Variants in BAIAP2L1 observed in about 807,000 individuals in gnomAD.
BAIAP2L1 encodes BAR/IMD domain-containing adapter protein 2-like 1.
A neutral mutation model predicts 66.3 loss-of-function variants in BAIAP2L1; 35 were observed. The observed-to-expected ratio is 0.53, with a 90% CI of 0.40 to 0.70. The LOEUF (loss-of-function observed/expected upper bound fraction) is 0.70, where lower values mean the gene tolerates loss of function less well. BAIAP2L1 is among the 30% of genes least tolerant of loss of function. The pLI is 0.00. For missense variants in BAIAP2L1, 622 were observed against 656.9 expected (o/e 0.95, Z 0.58); for synonymous variants, 269 against 248.7 (o/e 1.08, Z -0.77).
At chr7:98,364,334 G>T (rs1319577011) in intron 1 of BAIAP2L1, among the ~76,000 whole-genome samples, 1 of 151,796 alleles carries the variant, frequency 6.6e-6, no homozygotes, top group Non-Finnish European at 1.5e-5. Context: ...ATTAGACTTG[G>T]CTGAGGCCTA....
intron 7 of BAIAP2L1, among the ~76,000 whole-genome samples, chr7:98,313,816 G>C (rs1800969878): frequency 6.8e-6 from 1 of 146,312 alleles, no homozygotes; most frequent in Admixed American, 7.0e-5. Context: ...TTTTGGTAGA[G>C]ATAGGGTCTC....
intron 11 of BAIAP2L1, among the ~76,000 whole-genome samples, chr7:98,305,070 T>C (rs1366779643): frequency 2.0e-5 from 3 of 146,748 alleles, no homozygotes; most frequent in South Asian, 4.3e-4. Flanking sequence ...TTTTTTTTTT[T>C]AGTAGAGACG....
intron 1 of BAIAP2L1, chr7:98,386,625 A>T: frequency 6.5e-7 from 1 of 1,542,284 alleles, no homozygotes; most frequent in Non-Finnish European, 8.8e-7. Flanking sequence ...CAACATTTCT[A>T]CAATGTTCTT....
intron 12 of BAIAP2L1, among the ~76,000 whole-genome samples, chr7:98,299,376 TG>T (rs1410228931): frequency 6.6e-6 from 1 of 152,106 alleles, no homozygotes; most frequent in African/African-American, 2.4e-5. Context: ...CAGGCTGATC[TG>T]GAACTCCTAG....
At chr7:98,364,444 G>A (rs542392344) in intron 1 of BAIAP2L1, among the ~76,000 whole-genome samples, 1 of 152,234 alleles carries the variant, frequency 6.6e-6, no homozygotes, top group African/African-American at 2.4e-5. Context: ...GCTCAGTGTG[G>A]CTTGACTGTC....
chr7:98,320,181 T>TCTC, intron 4 of BAIAP2L1, 52 bp from the exon 5 acceptor site: 1 of 1,591,418 alleles, frequency 6.3e-7, no homozygotes, highest in South Asian at 1.1e-5. Context: ...TTAAGCAAAA[T>TCTC]AAGTTCTAAA....
intron 3 of BAIAP2L1, among the ~76,000 whole-genome samples, chr7:98,339,542 T>G (rs941653117): frequency 1.3e-5 from 2 of 152,192 alleles, no homozygotes; most frequent in African/African-American, 4.8e-5. Context: ...CCACCAGAAC[T>G]GTCTACCCTC....
intron 1 of BAIAP2L1, among the ~76,000 whole-genome samples, chr7:98,372,486 TA>T (rs1036210163): frequency 6.6e-6 from 1 of 152,158 alleles, no homozygotes; most frequent in African/African-American, 2.4e-5. Flanking sequence ...TTTTCTCAGC[TA>T]AAAGTGTAAC....
At chr7:98,371,988 T>G (rs1802520602) in intron 1 of BAIAP2L1, among the ~76,000 whole-genome samples, 1 of 151,416 alleles carries the variant, frequency 6.6e-6, no homozygotes, top group Admixed American at 6.6e-5. Context: ...AGAGACGGGG[T>G]TTCACCAGTG....
chr7:98,330,579 C>T (rs62478170), intron 3 of BAIAP2L1, among the ~76,000 whole-genome samples: 2 of 152,146 alleles, frequency 1.3e-5, no homozygotes, highest in African/African-American at 2.4e-5. Context: ...ATCGCTTGAA[C>T]CCTGTAGGCG....
intron 1 of BAIAP2L1, among the ~76,000 whole-genome samples, chr7:98,379,465 C>T (rs1342459615): frequency 6.6e-6 from 1 of 152,160 alleles, no homozygotes; most frequent in East Asian, 1.9e-4. Context: ...TAGCTCAAGG[C>T]GATAACTCCA....
chr7:98,322,842 C>G (rs1011020258), intron 3 of BAIAP2L1: 1 of 152,338 alleles, frequency 6.6e-6, no homozygotes, highest in Non-Finnish European at 1.5e-5. Context: ...TAACATGTCG[C>G]TCCCCTGCTC....
chr7:98,341,284 T>C (rs1444616769), intron 3 of BAIAP2L1, among the ~76,000 whole-genome samples: 1 of 152,196 alleles, frequency 6.6e-6, no homozygotes, highest in Non-Finnish European at 1.5e-5. Context: ...CATACTCACA[T>C]GGTTAGTCAG....
intron 5 of BAIAP2L1, among the ~76,000 whole-genome samples, chr7:98,319,665 T>C (rs1203754253): frequency 1.3e-5 from 2 of 150,912 alleles, no homozygotes; most frequent in Non-Finnish European, 2.9e-5. Flanking sequence ...TCCTGCCTCA[T>C]CCTCCCGAGT....
At position 98,343,671 on chromosome 7, in the gene BAIAP2L1, T is replaced by C. The variant is rs1351302409; in HGVS notation, c.214+11371A>G. ...GCTAGCTGGTAGTAAAGAAGTGCTT[T>C]TTCTTTGGAGAAAAGGATACCAAAT... is the stretch of plus-strand genomic sequence containing the variant. On this transcript the variant is annotated intron_variant, in intron 3 of 13. Coordinates refer to ENST00000005260, the MANE Select transcript of BAIAP2L1 (RefSeq NM_018842.5). Among the ~76,000 whole-genome samples, 4 of 152,302 alleles carry C rather than the reference T, an allele frequency of 2.6e-5. No individual in the cohort carries two copies. In the East Asian group the frequency reaches 5.8e-4, roughly 22 times the overall value.
At chr7:98,300,035 C>T (rs1442023933) in intron 12 of BAIAP2L1, among the ~76,000 whole-genome samples, 7 of 152,228 alleles carry the variant, frequency 4.6e-5, no homozygotes, top group East Asian at 1.9e-4. Flanking sequence ...AGCAAGACTC[C>T]GTCTCATAAA....
chr7:98,357,037 ATATATATATATAT>A (rs1160763455), intron 2 of BAIAP2L1, among the ~76,000 whole-genome samples: 2 of 16,974 alleles, frequency 1.2e-4, no homozygotes, highest in Non-Finnish European at 2.0e-4. Flanking sequence ...ATATATATAT[ATATATATATATAT>A]TTTTTTTTTT....
chr7:98,327,488 A>G (rs552727301), intron 3 of BAIAP2L1, among the ~76,000 whole-genome samples: 1 of 152,258 alleles, frequency 6.6e-6, no homozygotes, highest in Admixed American at 6.5e-5. Flanking sequence ...AGCCTGGCCA[A>G]CATGGTGAAA....
intron 3 of BAIAP2L1, among the ~76,000 whole-genome samples, chr7:98,352,135 G>C (rs901049278): frequency 4.6e-5 from 7 of 151,242 alleles, no homozygotes; most frequent in Non-Finnish European, 8.8e-5. Context: ...AATTTAAACA[G>C]ATACGGGGTG....
Sources: allele counts gnomAD v4.1 joint callset (sites outside exome capture counted in the v4.1 genomes callset), GRCh38; gene constraint gnomAD v4.1.1; transcripts MANE v1.5; gene names NCBI Gene and HGNC (gene_info 2026-07-23, HGNC 2026-07-21).